The following KIF11 variants were observed in gnomAD, a reference collection of about 807,000 sequenced individuals.
KIF11 encodes kinesin-like protein KIF11.
Under a neutral mutation model 121.0 loss-of-function variants are expected in KIF11, and 9 were observed. That is an observed-to-expected ratio of 0.07 (90% CI 0.04 to 0.13). The LOEUF (loss-of-function observed/expected upper bound fraction) is 0.13, where lower values mean the gene tolerates loss of function less well. Among genes scored for constraint, KIF11 ranks in the 10% least tolerant of loss-of-function variants. The pLI, the probability that KIF11 is intolerant of heterozygous loss-of-function variation, is 1.00. For synonymous variants in KIF11, 408 were observed against 421.0 expected, an observed-to-expected ratio of 0.97 and a Z score of 0.38; for missense variants, 846 against 1,217.5, an observed-to-expected ratio of 0.69 and a Z score of 4.54.
chr10:92,606,868 C>G, intron 3 of KIF11, 152 bp downstream of exon 3: 2 of 626,136 alleles, frequency 3.2e-6, no homozygotes, highest in Non-Finnish European at 2.9e-6. Context: ...GCCTCTGCCT[C>G]CTGGGTTCAA....
At chr10:92,616,448 C>T (rs1202431546) in intron 8 of KIF11, among the ~76,000 whole-genome samples, 1 of 151,914 alleles carries the variant, frequency 6.6e-6, no homozygotes, top group Non-Finnish European at 1.5e-5. Context: ...GACCCTCATG[C>T]CTTGGCCTCC....
At position 92,630,335 on chromosome 10, in the gene KIF11, G is replaced by A; in HGVS notation, c.1465G>A (p.Glu489Lys). 1 of 1,588,434 alleles carries A rather than the reference G, an allele frequency of 6.3e-7. No individual in the cohort carries two copies. The highest frequency in any genetic ancestry group is 8.5e-7 in the Non-Finnish European group (1 of 1,171,808). Residue 489 changes from glutamate to lysine, a missense_variant, in exon 12 of 22, where the codon GAG becomes AAG. Glu to Lys is a moderately conservative substitution (Grantham distance 56). Around this residue, in one of 5 missense-constraint regions of KIF11, gnomAD observed 95 missense variants for 109.3 expected, o/e 0.87. Transcript: ENST00000260731. The part of the protein sequence containing the change: ...EYITSALEST[E>K]EKLHDAASKL... ...TATCACATCAGCTTTGGAAAGTACT[G>A]AGGAGAAACTTCATGATGCTGCCAG... is the stretch of plus-strand genomic sequence containing the variant.
chr10:92,603,875 C>G (rs1844402592), intron 1 of KIF11, among the ~76,000 whole-genome samples: 1 of 152,176 alleles, frequency 6.6e-6, no homozygotes, highest in East Asian at 1.9e-4. Flanking sequence ...TAAAAGCTCC[C>G]TGAGCACAGG....
chr10:92,595,312 G>A (rs755420742), intron 1 of KIF11, among the ~76,000 whole-genome samples: 3 of 152,032 alleles, frequency 2.0e-5, no homozygotes, highest in African/African-American at 4.8e-5. Flanking sequence ...CACCCACCTT[G>A]GCCTCCCAAA....
intron 8 of KIF11, among the ~76,000 whole-genome samples, chr10:92,614,322 C>T (rs1447855804): frequency 6.6e-6 from 1 of 152,098 alleles, no homozygotes; most frequent in Non-Finnish European, 1.5e-5. Flanking sequence ...GTCTCAAACC[C>T]CTGACCTCAG....
chr10:92,607,342 T>C (rs745860780), intron 4 of KIF11, 105 bp downstream of exon 4: 5 of 645,426 alleles, frequency 7.7e-6, no homozygotes, highest in Admixed American at 2.8e-5. Context: ...AGAGTACCTA[T>C]GTCAAAATGA....
intron 13 of KIF11, among the ~76,000 whole-genome samples, chr10:92,633,070 T>TA (rs1844756803): frequency 6.6e-6 from 1 of 151,632 alleles, no homozygotes; most frequent in Admixed American, 6.6e-5. Flanking sequence ...CAACTTTTTT[T>TA]GGGGGGGGCA....
At chr10:92,645,665 T>G in intron 18 of KIF11, 23 bp downstream of exon 18, 1 of 1,516,158 alleles carries the variant, frequency 6.6e-7, no homozygotes, top group Non-Finnish European at 8.9e-7. Flanking sequence ...TAAGTGGAAC[T>G]TACTTTGGGG....
rs770036890 is a variant in KIF11, at chr10:92,628,812, A to T, written c.1222A>T (p.Met408Leu). 6.4e-7 allele frequency: 1 copy of T among 1,568,582 alleles called. No homozygotes were observed. The highest frequency in any genetic ancestry group is 8.7e-7 in the Non-Finnish European group (1 of 1,143,714). ...VYISEENFRVMSGKLTVQEEQ... is the reference protein window; with the variant it reads ...VYISEENFRVLSGKLTVQEEQ... ...TCATATTAAACTTTATTTTAGAGTC[A>T]TGAGTGGAAAATTAACTGTTCAAGA... The change falls in exon 11 of 22, where the codon ATG becomes TTG. Residue 408 changes from methionine to leucine, a missense_variant. Transcript: ENST00000260731.
At chr10:92,606,468 A>G (rs1844432045) in intron 2 of KIF11, 71 bp downstream of exon 2, 1 of 1,355,708 alleles carries the variant, frequency 7.4e-7, no homozygotes, top group South Asian at 1.4e-5. Context: ...TTTACCTGGA[A>G]AATGGTGTAT....
intron 16 of KIF11, among the ~76,000 whole-genome samples, chr10:92,638,788 A>G (rs984354311): frequency 6.6e-6 from 1 of 152,230 alleles, no homozygotes; most frequent in African/African-American, 2.4e-5. Flanking sequence ...TACCTTTGAG[A>G]CTAGTAAAAA....
At chr10:92,612,226 C>T (rs183768291) in intron 6 of KIF11, among the ~76,000 whole-genome samples, 14 of 152,024 alleles carry the variant, frequency 9.2e-5, no homozygotes, top group African/African-American at 7.2e-5. Flanking sequence ...GCCTTGACCT[C>T]CTGGGCTAAA....
chr10:92,637,066 G>A, intron 14 of KIF11, 118 bp from the exon 15 acceptor site: 1 of 748,810 alleles, frequency 1.3e-6, no homozygotes, highest in Non-Finnish European at 2.0e-6. Context: ...ATGGAGAATG[G>A]AAATGTAAAT....
Position 92,630,212 on chromosome 10 carries a change from G to A in KIF11, c.1342G>A (p.Asp448Asn), listed in dbSNP as rs1844721515. The A allele has an allele frequency of 6.3e-7, 1 of 1,586,452 alleles. No homozygotes were observed. Among genetic ancestry groups the A allele is most frequent in the African/African-American group, 1.4e-5 (1 of 73,118 alleles). The change falls in exon 12 of 22, where the codon GAC (aspartate) becomes AAC (asparagine). Residue 448 changes from aspartate to asparagine, a missense_variant. By Grantham distance (23) the Asp-to-Asn change is conservative. This residue lies in a region of KIF11 where 95 missense variants were observed against 109.3 expected (regional missense o/e 0.87). Transcript: ENST00000260731. ...GTTTATGGATAATAAAAATGAACTT[G>A]ACCAGTGTAAATCTGACCTGCAAAA... ...ELFMDNKNEL[D>N]QCKSDLQNKT...
chr10:92,644,116 T>C (rs1399978832), intron 17 of KIF11, among the ~76,000 whole-genome samples: 4 of 152,188 alleles, frequency 2.6e-5, no homozygotes, highest in South Asian at 4.1e-4. Flanking sequence ...TTAAGGCCCA[T>C]GCAAATCATT....
chr10:92,607,526 T>C (rs1589590864), intron 4 of KIF11, among the ~76,000 whole-genome samples: 1 of 152,156 alleles, frequency 6.6e-6, no homozygotes, highest in Non-Finnish European at 1.5e-5. Flanking sequence ...AGTTGGAATA[T>C]GAGTGAAGCT....
Position 92,621,367 on chromosome 10 carries a change from A to C in KIF11, c.1129-18A>C. ...AAAAAAGTACTAAACTGACACCTACAACATTCCTCTTGTGTAGGAGTATAC... is the reference window on the plus strand; with the variant it reads ...AAAAAAGTACTAAACTGACACCTACCACATTCCTCTTGTGTAGGAGTATAC... On this transcript the variant is annotated intron_variant, in intron 9 of 21. Transcript: ENST00000260731. 1 of 1,521,412 alleles carries C rather than the reference A, an allele frequency of 6.6e-7. No individual in the cohort carries two copies. Among genetic ancestry groups the C allele is most frequent in the Non-Finnish European group, 9.1e-7 (1 of 1,101,012 alleles). The allele number at this position is 1,521,412 out of a possible 1,614,324, so 94.2% of individuals were successfully genotyped here. A position where few individuals can be genotyped will look rare whatever the true frequency, so the allele number is the denominator to read the frequency against.
Position 92,613,225 on chromosome 10 carries a change from G to T in KIF11, c.789+95G>T. On this transcript the variant is annotated intron_variant, in intron 7 of 21. Coordinates refer to ENST00000260731, the MANE Select transcript of KIF11 (RefSeq NM_004523.4). The surrounding 1 kb of genome is among the most constrained non-coding windows in gnomAD (Gnocchi z 4.2). The stretch of plus-strand genomic sequence containing the variant: ...TGAGACAAAATTTTTGTGGTCACTG[G>T]GTGATTAGCTTTGTAGTGGGAGAAG... 8.9e-7 allele frequency: 1 copy of T among 1,124,806 alleles called. No individual in the cohort carries two copies. The highest frequency in any genetic ancestry group is 2.5e-5 in the East Asian group (1 of 40,268). The allele number at this position is 1,124,806 out of a possible 1,614,324, so 69.7% of individuals were successfully genotyped here. A position where few individuals can be genotyped will look rare whatever the true frequency, so the allele number is the denominator to read the frequency against.
intron 17 of KIF11, among the ~76,000 whole-genome samples, chr10:92,643,720 C>A (rs958125227): frequency 2.0e-5 from 3 of 151,950 alleles, no homozygotes; most frequent in Non-Finnish European, 4.4e-5. Context: ...CCATGCCCGG[C>A]TAATTTTTGT....
Sources: gnomAD v4.1 joint callset for allele counts (sites outside exome capture counted in the v4.1 genomes callset) on GRCh38, gnomAD v4.1.1 for gene constraint, gnomAD v4.1.1 regional missense constraint, Gnocchi (gnomAD v3.1) non-coding constraint, MANE v1.5 for transcripts, NCBI Gene and HGNC (gene_info 2026-07-23, HGNC 2026-07-21) for gene names.